Variants in GALNT7 observed in about 807,000 individuals in gnomAD.
GALNT7 encodes polypeptide N-acetylgalactosaminyltransferase 7.
GALNT7 carries 60 observed loss-of-function variants against 82.1 expected under a neutral mutation model. The ratio of observed to expected loss-of-function variants is 0.73; its 90% CI spans 0.59 to 0.91. The LOEUF is 0.91. Ranked by LOEUF, GALNT7 falls within the 40% of genes least tolerant of loss-of-function variation. GALNT7 has a pLI of 0.00. For synonymous variants in GALNT7, 243 were observed against 275.1 expected (o/e 0.88, Z 1.15); for missense variants, 660 against 804.2 (o/e 0.82, Z 2.17).
At chr4:173,260,548 T>C (rs1735222123) in intron 2 of GALNT7, among the ~76,000 whole-genome samples, 1 of 152,226 alleles carries the variant, frequency 6.6e-6, no homozygotes, top group South Asian at 2.1e-4. Flanking sequence ...TTAAGAAATG[T>C]AGTGACTGAG....
chr4:173,298,141 A>C lies in GALNT7; in HGVS notation c.992A>C (p.Asp331Ala), dbSNP rs139992342. 1 of 1,613,932 alleles carries C rather than the reference A, an allele frequency of 6.2e-7. No homozygotes were observed. Among genetic ancestry groups the C allele is most frequent in the Non-Finnish European group, 8.5e-7 (1 of 1,179,992 alleles). ...DRTICTVPLI[D>A]VINGNTYEII... ...ACCATTTGCACTGTGCCGCTTATAG[A>C]TGTCATAAATGGCAACACATATGAA... is the stretch of plus-strand genomic sequence containing the variant. Residue 331 changes from aspartate (D) to alanine (A), a missense_variant, in exon 6 of 12, where the codon GAT (aspartate) becomes GCT (alanine). Physicochemically the swap from Asp to Ala is moderately radical, Grantham distance 126. Around this residue, in one of 2 missense-constraint regions of GALNT7, gnomAD observed 527 missense variants for 683.5 expected, o/e 0.77. Coordinates refer to ENST00000265000, the MANE Select transcript of GALNT7 (RefSeq NM_017423.3).
Position 173,314,136 on chromosome 4 carries a change from C to T in GALNT7, c.1568C>T (p.Ser523Leu). 1.2e-6 allele frequency: 2 copies of T among 1,613,792 alleles called. No individual in the cohort carries two copies. The highest frequency in any genetic ancestry group is 8.5e-7 in the Non-Finnish European group (1 of 1,179,724). The change falls in exon 9 of 12, where the codon TCA becomes TTA. Residue 523 changes from serine (S) to leucine (L), a missense_variant. Ser to Leu is a moderately radical substitution (Grantham distance 145, BLOSUM62 -2). Coordinates refer to ENST00000265000, the MANE Select transcript of GALNT7 (RefSeq NM_017423.3). The part of the protein sequence containing the change: ...FMEEIAYDIT[S>L]HYPLPPKNVD... ...GAAGAAATAGCTTATGATATCACCT[C>T]ACACTACCCTTTGCCACCCAAAAAT...
intron 1 of GALNT7, among the ~76,000 whole-genome samples, chr4:173,184,048 G>A (rs866600735): frequency 5.3e-5 from 8 of 150,542 alleles, no homozygotes; most frequent in Non-Finnish European, 8.9e-5. Context: ...ATGGGCGGCC[G>A]GGCAGAGACG....
intron 8 of GALNT7, among the ~76,000 whole-genome samples, chr4:173,313,085 A>G (rs1161192652): frequency 6.6e-6 from 1 of 151,906 alleles, no homozygotes; most frequent in Non-Finnish European, 1.5e-5. Flanking sequence ...TTTAAATTAA[A>G]GAAAGGAACC....
intron 1 of GALNT7, among the ~76,000 whole-genome samples, chr4:173,170,765 G>C (rs1388873163): frequency 6.6e-6 from 1 of 152,162 alleles, no homozygotes; most frequent in Non-Finnish European, 1.5e-5. Context: ...TTTTCTGGTA[G>C]AGAAACTGAC....
rs1250473925 is a variant in GALNT7 at position 173,323,086 on chromosome 4, ACT to A, written c.*1372_*1373del. Reference sequence around the variant, plus strand: ...ATTCGATTTTAATTTCTCAAAAGATACTCTGTTATCCAGAAGATTAAAATGCC... The same window carrying A: ...ATTCGATTTTAATTTCTCAAAAGATACTGTTATCCAGAAGATTAAAATGCC... On this transcript the variant is annotated 3_prime_UTR_variant, in exon 12 of 12. Coordinates refer to ENST00000265000, the MANE Select transcript of GALNT7 (RefSeq NM_017423.3). 1 of 151,356 alleles carries A rather than the reference ACT, an allele frequency of 6.6e-6. No homozygotes were observed. The highest frequency in any genetic ancestry group is 2.4e-5 in the African/African-American group (1 of 40,878). 9.4% of individuals were successfully genotyped at this position (151,356 alleles called of 1,614,324 possible). A position where few individuals can be genotyped will look rare whatever the true frequency, so the allele number is the denominator to read the frequency against.
chr4:173,264,491 T>G (rs1314629666), intron 2 of GALNT7, among the ~76,000 whole-genome samples: 1 of 152,214 alleles, frequency 6.6e-6, no homozygotes, highest in Non-Finnish European at 1.5e-5. Flanking sequence ...TTCCGTATTA[T>G]CCTCTGAGTC....
chr4:173,287,006 G>A (rs1389919786), intron 2 of GALNT7, among the ~76,000 whole-genome samples: 1 of 152,168 alleles, frequency 6.6e-6, no homozygotes, highest in Middle Eastern at 3.2e-3. Flanking sequence ...AGAGGAGAGT[G>A]TTATTTATGT....
At chr4:173,246,519 C>A (rs1002956059) in intron 1 of GALNT7, among the ~76,000 whole-genome samples, 1 of 152,114 alleles carries the variant, frequency 6.6e-6, no homozygotes, top group Admixed American at 6.5e-5. Context: ...TCACTACATG[C>A]CCTTTTGGAT....
chr4:173,292,313 G>A lies in GALNT7; in HGVS notation c.754+39G>A, dbSNP rs745507802. ...AACTCACATTTTGTCTATAAAATAA[G>A]TTAAGCATGAATAATTGCAAAAAGG... is the stretch of plus-strand genomic sequence containing the variant. On this transcript the variant is annotated intron_variant, in intron 3 of 11. Coordinates refer to ENST00000265000, the MANE Select transcript of GALNT7 (RefSeq NM_017423.3). This position sits in a 1 kb window ranked among gnomAD's most constrained non-coding sequence, Gnocchi z 4.8. 38 of 1,298,458 alleles carry A rather than the reference G, an allele frequency of 2.9e-5. No individual in the cohort carries two copies. The highest frequency in any genetic ancestry group is 4.0e-5 in the Non-Finnish European group (37 of 931,728). The allele number at this position is 1,298,458 out of a possible 1,614,324, so 80.4% of individuals were successfully genotyped here. A position where few individuals can be genotyped will look rare whatever the true frequency, so the allele number is the denominator to read the frequency against.
chr4:173,240,457 C>T (rs1734391466), intron 1 of GALNT7, among the ~76,000 whole-genome samples: 1 of 150,524 alleles, frequency 6.6e-6, no homozygotes, highest in Admixed American at 6.7e-5. Context: ...CAACCTCTGC[C>T]TCCCGAGTTC....
chr4:173,275,930 C>G (rs548903591), intron 2 of GALNT7, among the ~76,000 whole-genome samples: 1 of 152,230 alleles, frequency 6.6e-6, no homozygotes, highest in South Asian at 2.1e-4. Context: ...GCGCTACCTT[C>G]AAAAATGGGT....
At chr4:173,270,660 A>G (rs1321935121) in intron 2 of GALNT7, among the ~76,000 whole-genome samples, 1 of 152,218 alleles carries the variant, frequency 6.6e-6, no homozygotes, top group Non-Finnish European at 1.5e-5. Flanking sequence ...ATAATTAAAC[A>G]TATTTACTCA....
Position 173,168,885 on chromosome 4 carries a change from G to C in GALNT7, c.50G>C (p.Ser17Thr), listed in dbSNP as rs373166043. 1.2e-6 allele frequency: 2 copies of C among 1,613,610 alleles called. No individual in the cohort carries two copies. The highest frequency in any genetic ancestry group is 2.7e-5 in the African/African-American group (2 of 74,910). Residue 17 changes from serine to threonine, a missense_variant, in exon 1 of 12, where the codon AGC becomes ACC. Ser to Thr is a moderately conservative substitution (Grantham distance 58). Transcript: ENST00000265000. ...FILRSLLVVG[S>T]FLGLVVLWSS... ...TTACGCAGTTTGCTGGTGGTGGGAAGCTTCCTGGGGCTAGTGGTCCTCTGG... is the reference window on the plus strand; with the variant it reads ...TTACGCAGTTTGCTGGTGGTGGGAACCTTCCTGGGGCTAGTGGTCCTCTGG...
intron 1 of GALNT7, among the ~76,000 whole-genome samples, chr4:173,184,574 A>G (rs974668869): frequency 3.7e-5 from 5 of 136,926 alleles, no homozygotes; most frequent in African/African-American, 1.3e-4. Flanking sequence ...GCTCGGCATC[A>G]GAGGGAGACC....
At chr4:173,197,985 TG>T (rs1247851907) in intron 1 of GALNT7, among the ~76,000 whole-genome samples, 1 of 152,200 alleles carries the variant, frequency 6.6e-6, no homozygotes, top group Non-Finnish European at 1.5e-5. Flanking sequence ...AATTAAAACA[TG>T]TAAACCATGC....
chr4:173,210,435 A>T (rs1733242228), intron 1 of GALNT7, among the ~76,000 whole-genome samples: 1 of 152,074 alleles, frequency 6.6e-6, no homozygotes, highest in Non-Finnish European at 1.5e-5. Context: ...AGAACAGAAA[A>T]TCTCTTTTAC....
At chr4:173,252,162 T>A (rs1055954400) in intron 2 of GALNT7, among the ~76,000 whole-genome samples, 25 of 152,254 alleles carry the variant, frequency 1.6e-4, no homozygotes, top group African/African-American at 5.5e-4. Context: ...TTAGCACTTG[T>A]CTGCTTTTAC....
intron 9 of GALNT7, among the ~76,000 whole-genome samples, chr4:173,315,491 T>G (rs959265186): frequency 5.5e-4 from 83 of 152,036 alleles, no homozygotes; most frequent in African/African-American, 2.0e-3. Flanking sequence ...AGGTAGGTCG[T>G]TTCATGGGAC....
Sources: gnomAD v4.1 joint callset for allele counts (sites outside exome capture counted in the v4.1 genomes callset) on GRCh38, gnomAD v4.1.1 for gene constraint, gnomAD v4.1.1 regional missense constraint, Gnocchi (gnomAD v3.1) non-coding constraint, MANE v1.5 for transcripts, NCBI Gene and HGNC (gene_info 2026-07-23, HGNC 2026-07-21) for gene names.